The following TENM3 variants were observed in gnomAD, a reference collection of about 807,000 sequenced individuals.
TENM3 encodes the protein teneurin-3.
In TENM3, 63 loss-of-function variants were observed where a neutral mutation model predicts 255.1. The ratio of observed to expected loss-of-function variants is 0.25; its 90% CI spans 0.20 to 0.30. The LOEUF (loss-of-function observed/expected upper bound fraction) is 0.30, where lower values mean the gene tolerates loss of function less well. Among genes scored for constraint, TENM3 ranks in the 10% least tolerant of loss-of-function variants. The pLI is 1.00. For missense variants in TENM3, 2,929 were observed against 3,461.1 expected, an observed-to-expected ratio of 0.85 and a Z score of 3.86; for synonymous variants, 1,306 against 1,322.3, an observed-to-expected ratio of 0.99 and a Z score of 0.27.
Position 182,796,787 on chromosome 4 carries a change from A to G in TENM3, c.7344+20A>G, listed in dbSNP as rs1766522893. ...ATACCGGTAAGAAACAAAAAGACCT[A>G]CGGAAAGGTGATAAGTAGCTTGTGT... On this transcript the variant is annotated intron_variant, in intron 27 of 27. Transcript: ENST00000511685. 6.3e-7 allele frequency: 1 copy of G among 1,587,060 alleles called. No individual in the cohort carries two copies. The highest frequency in any genetic ancestry group is 8.6e-7 in the Non-Finnish European group (1 of 1,164,660).
chr4:182,285,369 T>C (rs1760669491), intron 1 of TENM3, among the ~76,000 whole-genome samples: 1 of 152,186 alleles, frequency 6.6e-6, no homozygotes, highest in African/African-American at 2.4e-5. Flanking sequence ...AGTCTTTGTT[T>C]GTTTTGCAAA....
At chr4:181,783,509 G>T in the TENM3 span, among the ~76,000 whole-genome samples, 26 of 151,932 alleles carry the variant, frequency 1.7e-4, no homozygotes, top group East Asian at 2.9e-3. Flanking sequence ...TCTTTTCAAG[G>T]CTATTAGCAC....
intron 3 of TENM3, among the ~76,000 whole-genome samples, chr4:182,596,251 T>C (rs1747211392): frequency 6.6e-6 from 1 of 152,244 alleles, no homozygotes; most frequent in Admixed American, 6.5e-5. Flanking sequence ...AACTTTTTAC[T>C]ACTTCCACAC....
chr4:182,431,418 C>T (rs556680580), intron 3 of TENM3, among the ~76,000 whole-genome samples: 4 of 152,142 alleles, frequency 2.6e-5, no homozygotes, highest in Admixed American at 1.3e-4. Flanking sequence ...AGCTTGAACC[C>T]GGGAGGTGGA....
chr4:181,556,126 T>C, the TENM3 span, among the ~76,000 whole-genome samples: 1 of 152,242 alleles, frequency 6.6e-6, no homozygotes, highest in Non-Finnish European at 1.5e-5. Context: ...CTGTAGACAG[T>C]GGAATTTGCA....
rs113019009 is a variant in TENM3 at position 182,492,203 on chromosome 4, G to A, written c.512-108721G>A. Among the ~76,000 whole-genome samples the A allele has an allele frequency of 3.3e-5, 5 of 152,210 alleles. No individual in the cohort carries two copies. The South Asian group carries it at 8.3e-4, about 25-fold the overall frequency. On this transcript the variant is annotated intron_variant, in intron 3 of 27. Transcript: ENST00000511685. Reference sequence around the variant, plus strand: ...ACATTTTAATAGTATTTGAAGCCACGTTAGAATTATGACAGCATATGTTAA... The same window carrying A: ...ACATTTTAATAGTATTTGAAGCCACATTAGAATTATGACAGCATATGTTAA...
At chr4:182,596,164 A>G (rs1461896885) in intron 3 of TENM3, among the ~76,000 whole-genome samples, 1 of 152,354 alleles carries the variant, frequency 6.6e-6, no homozygotes, top group Non-Finnish European at 1.5e-5. Context: ...CTTGCCTTTC[A>G]GGATCTAAGA....
chr4:181,551,890 A>G, the TENM3 span, among the ~76,000 whole-genome samples: 25 of 101,192 alleles, frequency 2.5e-4, no homozygotes, highest in African/African-American at 5.1e-4. Flanking sequence ...GTGTGTGTGT[A>G]TATAAATTTT....
At chr4:181,461,253 A>G in the TENM3 span, among the ~76,000 whole-genome samples, 1 of 151,918 alleles carries the variant, frequency 6.6e-6, no homozygotes, top group Non-Finnish European at 1.5e-5. Context: ...TGTAATTCTT[A>G]TCTTTCTTCT....
At chr4:181,602,879 A>G in the TENM3 span, among the ~76,000 whole-genome samples, 1 of 152,236 alleles carries the variant, frequency 6.6e-6, no homozygotes, top group Non-Finnish European at 1.5e-5. Flanking sequence ...CACTAACAGC[A>G]TCTTCTGCAT....
chr4:182,200,949 C>T (rs548176965), intron 1 of TENM3, among the ~76,000 whole-genome samples: 2 of 151,950 alleles, frequency 1.3e-5, no homozygotes, highest in South Asian at 2.1e-4. Flanking sequence ...CTCAGCCTCC[C>T]GAATAGCTGG....
chr4:182,185,409 T>C (rs1339046675), intron 1 of TENM3, among the ~76,000 whole-genome samples: 4 of 152,330 alleles, frequency 2.6e-5, no homozygotes, highest in Middle Eastern at 3.4e-3. Context: ...TTAGACTATA[T>C]TGGGAATCTG....
intron 22 of TENM3, among the ~76,000 whole-genome samples, chr4:182,769,213 T>G (rs951658163): frequency 1.3e-5 from 2 of 152,140 alleles, no homozygotes; most frequent in Admixed American, 1.3e-4. Flanking sequence ...AGCTGGACAT[T>G]CGTGGGTGCA....
rs193055549 is a variant in TENM3 at position 182,596,349 on chromosome 4, T to G, written c.512-4575T>G. ...TTGTGAGGTCCATAGAGCTCAAAGG[T>G]GAATCGCATGTGAATCCTGCCCGTA... is the stretch of plus-strand genomic sequence containing the variant. On this transcript the variant is annotated intron_variant, in intron 3 of 27. Transcript: ENST00000511685. Among the ~76,000 whole-genome samples, 10 of 152,174 alleles carry G rather than the reference T, an allele frequency of 6.6e-5. No individual in the cohort carries two copies. In the East Asian group the frequency reaches 1.9e-3, roughly 29 times the overall value.
chr4:181,497,225 G>A, the TENM3 span, among the ~76,000 whole-genome samples: 1 of 152,058 alleles, frequency 6.6e-6, no homozygotes, highest in Non-Finnish European at 1.5e-5. Context: ...AGACACATAT[G>A]TTCATTGTTA....
At chr4:182,028,942 A>G in the TENM3 span, among the ~76,000 whole-genome samples, 1 of 152,192 alleles carries the variant, frequency 6.6e-6, no homozygotes, top group Non-Finnish European at 1.5e-5. Context: ...AATGTTCTAT[A>G]AATATCTGTT....
the TENM3 span, among the ~76,000 whole-genome samples, chr4:181,698,231 G>C: frequency 7.1e-6 from 1 of 140,758 alleles, no homozygotes; most frequent in Non-Finnish European, 1.6e-5. Flanking sequence ...AAAAAAAAAA[G>C]ATAAAATGTA....
chr4:181,670,636 AG>A, the TENM3 span, among the ~76,000 whole-genome samples: 60 of 152,336 alleles, frequency 3.9e-4, no homozygotes, highest in Admixed American at 2.4e-3. Context: ...ACTTGGTTGT[AG>A]GGCATTCAAC....
intron 4 of TENM3, among the ~76,000 whole-genome samples, chr4:182,621,240 T>C (rs541060054): frequency 1.3e-5 from 2 of 152,156 alleles, no homozygotes; most frequent in South Asian, 4.2e-4. Flanking sequence ...GGTCTTGAAT[T>C]CCTGGGCTCA....
Sources: gnomAD v4.1 joint callset for allele counts (sites outside exome capture counted in the v4.1 genomes callset) on GRCh38, gnomAD v4.1.1 for gene constraint, MANE v1.5 for transcripts, NCBI Gene and HGNC (gene_info 2026-07-23, HGNC 2026-07-21) for gene names.